Variants in BACE1 observed in about 807,000 individuals in gnomAD.
The protein encoded by BACE1 is beta-secretase 1.
BACE1 carries 21 observed loss-of-function variants against 54.0 expected under a neutral mutation model. The ratio of observed to expected loss-of-function variants is 0.39; its 90% confidence interval spans 0.28 to 0.56. The LOEUF is 0.56. Ranked by LOEUF, BACE1 falls within the 20% of genes least tolerant of loss-of-function variation. The pLI, the probability that BACE1 is intolerant of heterozygous loss-of-function variation, is 0.63. For synonymous variants in BACE1, 232 were observed against 260.9 expected, an observed-to-expected ratio of 0.89 and a Z score of 1.07; for missense variants, 511 against 661.2, an observed-to-expected ratio of 0.77 and a Z score of 2.49.
intron 1 of BACE1, among the ~76,000 whole-genome samples, chr11:117,297,777 A>C (rs1480073907): frequency 6.6e-6 from 1 of 152,218 alleles, no homozygotes; most frequent in African/African-American, 2.4e-5. Flanking sequence ...ACCTTTAAAC[A>C]TGTCAGACTT....
chr11:117,294,808 C>T (rs545443732), intron 3 of BACE1, among the ~76,000 whole-genome samples: 7 of 151,584 alleles, frequency 4.6e-5, no homozygotes, highest in South Asian at 4.2e-4. Context: ...TCGCTTGAAC[C>T]GAGGAGGTGG....
At chr11:117,303,452 C>T (rs1030433861) in intron 1 of BACE1, among the ~76,000 whole-genome samples, 1 of 152,246 alleles carries the variant, frequency 6.6e-6, no homozygotes, top group Non-Finnish European at 1.5e-5. Flanking sequence ...CAGTTCTCAG[C>T]AGTAGATCTT....
chr11:117,291,871 G>T, intron 5 of BACE1, 58 bp from the exon 6 acceptor site: 2 of 1,340,844 alleles, frequency 1.5e-6, no homozygotes, highest in Non-Finnish European at 2.1e-6. Flanking sequence ...TGGGCTCTGG[G>T]CAGTAGGGGG....
Position 117,315,232 on chromosome 11 carries a change from C to T in BACE1, c.261+303G>A, listed in dbSNP as rs576772651. Among the ~76,000 whole-genome samples, 5 of 152,298 alleles carry T rather than the reference C, an allele frequency of 3.3e-5. No homozygotes were observed. Among genetic ancestry groups the T allele is most frequent in the Admixed American group, 1.3e-4 (2 of 15,304 alleles). On this transcript the variant is annotated intron_variant, in intron 1 of 8. Coordinates refer to ENST00000313005, the MANE Select transcript of BACE1 (RefSeq NM_012104.6). This position sits in a 1 kb window ranked among gnomAD's most constrained non-coding sequence, Gnocchi z 5.5. ...GACACCTGTTATAGTGCCCCTGTGGCGGACCCTTCCTCCAGGTCAGGGTCC... is the reference window on the plus strand; with the variant it reads ...GACACCTGTTATAGTGCCCCTGTGGTGGACCCTTCCTCCAGGTCAGGGTCC...
intron 1 of BACE1, among the ~76,000 whole-genome samples, chr11:117,300,125 C>G (rs1176483266): frequency 2.0e-5 from 3 of 152,086 alleles, no homozygotes; most frequent in Non-Finnish European, 4.4e-5. Context: ...TGCTGTCCTT[C>G]CAGCCCCAGC....
At chr11:117,303,526 C>T (rs1253563404) in intron 1 of BACE1, among the ~76,000 whole-genome samples, 1 of 152,230 alleles carries the variant, frequency 6.6e-6, no homozygotes, top group African/African-American at 2.4e-5. Flanking sequence ...CAAATCCCAC[C>T]TTTCTTGGCC....
At chr11:117,298,280 C>T (rs553179149) in intron 1 of BACE1, among the ~76,000 whole-genome samples, 4 of 151,210 alleles carry the variant, frequency 2.6e-5, no homozygotes, top group African/African-American at 9.7e-5. Context: ...CCGGCCTGGA[C>T]GAGAGCAACA....
Position 117,302,193 on chromosome 11 carries a change from T to C in BACE1, c.262-5232A>G, listed in dbSNP as rs1591863926. 7.9e-5 allele frequency among the ~76,000 whole-genome samples: 12 copies of C among 151,950 alleles called. No homozygotes were observed. In the South Asian group the frequency reaches 2.5e-3, roughly 32 times the overall value. ...TACAAAAATACAAAAATTAGCTGGG[T>C]GTGGTGGCAGGCACCTGTAATCCCA... On this transcript the variant is annotated intron_variant, in intron 1 of 8. Coordinates refer to ENST00000313005, the MANE Select transcript of BACE1 (RefSeq NM_012104.6).
chr11:117,307,076 C>A lies in BACE1; in HGVS notation c.261+8459G>T, dbSNP rs79204640. Among the ~76,000 whole-genome samples the A allele has an allele frequency of 5.7e-3, 869 of 152,220 alleles. 10 individuals carry two copies. The highest frequency in any genetic ancestry group is 8.9e-3 in the Non-Finnish European group (604 of 68,006). ...TTTCCTCATTCTCCCCAGCACAGCCCAGCTCTCCTATTTTGGGAAACACCT... is the reference window on the plus strand; with the variant it reads ...TTTCCTCATTCTCCCCAGCACAGCCAAGCTCTCCTATTTTGGGAAACACCT... On this transcript the variant is annotated intron_variant, in intron 1 of 8. Transcript: ENST00000313005.
intron 1 of BACE1, among the ~76,000 whole-genome samples, chr11:117,307,987 C>T (rs1667852192): frequency 6.9e-6 from 1 of 144,338 alleles, no homozygotes; most frequent in African/African-American, 2.6e-5. Flanking sequence ...AAATATAACC[C>T]AGAAGTCCAC....
At chr11:117,300,543 G>A (rs1012539352) in intron 1 of BACE1, among the ~76,000 whole-genome samples, 2 of 152,300 alleles carry the variant, frequency 1.3e-5, no homozygotes, top group East Asian at 1.9e-4. Context: ...AGTTCAGGGC[G>A]GCCTGGGCAG....
At position 117,316,209 on chromosome 11, in the gene BACE1, C is replaced by T; in HGVS notation, c.-414G>A. The T allele has an allele frequency of 2.3e-6, 1 of 435,904 alleles. No individual in the cohort carries two copies. The highest frequency in any genetic ancestry group is 4.1e-6 in the Non-Finnish European group (1 of 244,498). The allele number at this position is 435,904 out of a possible 1,614,324, so 27.0% of individuals were successfully genotyped here. A position where few individuals can be genotyped will look rare whatever the true frequency, so the allele number is the denominator to read the frequency against. The stretch of plus-strand genomic sequence containing the variant: ...GGCTGCTCAGGCCACCATAATCCAG[C>T]TCGCGGCTCGCAGCTCCCGGGCGGG... On this transcript the variant is annotated 5_prime_UTR_variant, in exon 1 of 9. Transcript: ENST00000313005.
chr11:117,292,022 T>TG, intron 5 of BACE1: 1 of 394,090 alleles, frequency 2.5e-6, no homozygotes. Context: ...AAAGGGTTAT[T>TG]GTAAGGATTA....
rs1344218184 is a variant in BACE1 at position 117,316,124 on chromosome 11, T to TC, written c.-330dup. On this transcript the variant is annotated 5_prime_UTR_variant, in exon 1 of 9. Coordinates refer to ENST00000313005, the MANE Select transcript of BACE1 (RefSeq NM_012104.6). Reference sequence around the variant, plus strand: ...GGCGGGCCGGTGGCGGCTTCCCTGGTCCCCCCGGCGGGCGGCGGCGCGGGC... The same window carrying TC: ...GGCGGGCCGGTGGCGGCTTCCCTGGTCCCCCCCGGCGGGCGGCGGCGCGGGC... 2 of 395,520 alleles carry TC rather than the reference T, an allele frequency of 5.1e-6. No individual in the cohort carries two copies. Among genetic ancestry groups the TC allele is most frequent in the Non-Finnish European group, 8.9e-6 (2 of 224,818 alleles). The allele number at this position is 395,520 out of a possible 1,614,324, so 24.5% of individuals were successfully genotyped here. A position where few individuals can be genotyped will look rare whatever the true frequency, so the allele number is the denominator to read the frequency against.
intron 3 of BACE1, among the ~76,000 whole-genome samples, chr11:117,294,668 G>C (rs2034550555): frequency 6.6e-6 from 1 of 151,686 alleles, no homozygotes; most frequent in Non-Finnish European, 1.5e-5. Context: ...CGGATCACCT[G>C]CGGTCAGGAG....
chr11:117,297,194 T>C lies in BACE1; in HGVS notation c.262-233A>G. ...ACACTTCCCCTGTGCCCTCTGCAGG[T>C]CTGCTGAAAAACCAACTGAAAAAAG... On this transcript the variant is annotated intron_variant, in intron 1 of 8. Coordinates refer to ENST00000313005, the MANE Select transcript of BACE1 (RefSeq NM_012104.6). 1.9e-5 allele frequency: 9 copies of C among 472,678 alleles called. No individual in the cohort carries two copies. The South Asian group carries it at 3.2e-4, about 17-fold the overall frequency. The allele number at this position is 472,678 out of a possible 1,614,324, so 29.3% of individuals were successfully genotyped here. A position where few individuals can be genotyped will look rare whatever the true frequency, so the allele number is the denominator to read the frequency against.
intron 2 of BACE1, 30 bp downstream of exon 2, chr11:117,296,843 T>C: frequency 6.4e-7 from 1 of 1,551,386 alleles, no homozygotes; most frequent in Non-Finnish European, 8.9e-7. Context: ...TTGGAAAAGG[T>C]ACTTCCCCCG....
At chr11:117,309,076 C>A (rs1462036456) in intron 1 of BACE1, among the ~76,000 whole-genome samples, 1 of 152,122 alleles carries the variant, frequency 6.6e-6, no homozygotes, top group East Asian at 1.9e-4. Flanking sequence ...CTCTCTCACC[C>A]CATACATCTC....
intron 1 of BACE1, among the ~76,000 whole-genome samples, chr11:117,311,276 C>G (rs656083): frequency 6.6e-6 from 1 of 151,778 alleles, no homozygotes; most frequent in African/African-American, 2.4e-5. Context: ...CCAGGAGTTA[C>G]GATTGTGCCC....
Sources: gnomAD v4.1 joint callset for allele counts (sites outside exome capture counted in the v4.1 genomes callset) on GRCh38, gnomAD v4.1.1 for gene constraint, Gnocchi (gnomAD v3.1) non-coding constraint, MANE v1.5 for transcripts, NCBI Gene and HGNC (gene_info 2026-07-23, HGNC 2026-07-21) for gene names.